Variants in PKD1L1 observed in about 807,000 individuals in gnomAD.
PKD1L1 encodes the protein polycystin 1 like 1, transient receptor potential channel interacting.
In PKD1L1, 236 loss-of-function variants were observed where a neutral mutation model predicts 323.4. The observed-to-expected ratio is 0.73, with a 90% CI of 0.66 to 0.81. PKD1L1 has a LOEUF of 0.81. Ranked by LOEUF, PKD1L1 falls within the 40% of genes least tolerant of loss-of-function variation. The pLI, the probability that PKD1L1 is intolerant of heterozygous loss-of-function variation, is 0.00. For synonymous variants in PKD1L1, 1,344 were observed against 1,335.0 expected (o/e 1.01, Z -0.15); for missense variants, 3,320 against 3,508.0 (o/e 0.95, Z 1.35).
chr7:47,806,103 T>A (rs1037599708), intron 52 of PKD1L1, among the ~76,000 whole-genome samples: 1 of 152,120 alleles, frequency 6.6e-6, no homozygotes, highest in Non-Finnish European at 1.5e-5. Context: ...AAGGATGAAC[T>A]CACTTCCCAA....
Position 47,904,634 on chromosome 7 carries a change from G to A in PKD1L1, c.1692-17C>T. On this transcript the variant is annotated splice_polypyrimidine_tract_variant and intron_variant, in intron 11 of 56. Transcript: ENST00000289672. ...ACACGATACCTGCAGGATGGGGAAA[G>A]GAGGGCAGGGAAGGCAGATGGCAAG... 6.2e-7 allele frequency: 1 copy of A among 1,600,668 alleles called. No individual in the cohort carries two copies. The highest frequency in any genetic ancestry group is 8.5e-7 in the Non-Finnish European group (1 of 1,170,716).
intron 28 of PKD1L1, among the ~76,000 whole-genome samples, chr7:47,856,237 C>T (rs1785902143): frequency 6.6e-6 from 1 of 152,204 alleles, no homozygotes; most frequent in South Asian, 2.1e-4. Flanking sequence ...GGGTGTTTCA[C>T]CATGTTGGTC....
intron 26 of PKD1L1, among the ~76,000 whole-genome samples, chr7:47,864,456 A>G (rs992835306): frequency 1.2e-4 from 18 of 152,156 alleles, no homozygotes; most frequent in African/African-American, 4.3e-4. Context: ...GCCATGTGTT[A>G]CCAATAAAGA....
In PKD1L1 at chr7:47,811,838, C is replaced by T. The variant is rs912186473; in HGVS notation, c.7560G>A (p.Gln2520=). Residue 2520 remains glutamine, a synonymous_variant, in exon 50 of 57, where the codon CAG becomes CAA. Transcript: ENST00000289672. ...TCACCTGGGGAAGCATGAGGTGGTA[C>T]TGCAGGGCTGAGTCGCTGCGGAAGA... ...FSIFRSDSAL[Q]YHLMLPQLVF... The T allele has an allele frequency of 1.9e-6, 3 of 1,606,816 alleles. No homozygotes were observed. The African/African-American group carries it at 4.0e-5, about 21-fold the overall frequency.
intron 33 of PKD1L1, among the ~76,000 whole-genome samples, chr7:47,844,143 C>T (rs533125463): frequency 2.0e-4 from 30 of 152,362 alleles, no homozygotes; most frequent in African/African-American, 7.2e-4. Context: ...ATCAATGCCG[C>T]AGACACCATG....
At chr7:47,806,843 T>C (rs1031526237) in intron 52 of PKD1L1, among the ~76,000 whole-genome samples, 1 of 151,934 alleles carries the variant, frequency 6.6e-6, no homozygotes, top group East Asian at 1.9e-4. Flanking sequence ...TCTGGTCATG[T>C]TCCTCCAAGA....
At chr7:47,875,409 G>A (rs914421319) in intron 23 of PKD1L1, among the ~76,000 whole-genome samples, 1 of 152,166 alleles carries the variant, frequency 6.6e-6, no homozygotes, top group African/African-American at 2.4e-5. Flanking sequence ...GAAACTTCTA[G>A]ATCAGTGACT....
chr7:47,908,108 A>G lies in PKD1L1; in HGVS notation c.1371T>C (p.Leu457=), dbSNP rs769197490. ...NSSSVHEDEV[L]VFADSQVNQK... ...GATTCACTTGGGAGTCAGCAAAGAC[A>G]AGCACTTCATCTTCATGGACACTGC... The change falls in exon 9 of 57, where the codon CTT becomes CTC. Residue 457 remains leucine, a synonymous_variant. Coordinates refer to ENST00000289672, the MANE Select transcript of PKD1L1 (RefSeq NM_138295.5). The G allele has an allele frequency of 3.0e-5, 48 of 1,614,006 alleles. No individual in the cohort carries two copies. Among genetic ancestry groups the G allele is most frequent in the Non-Finnish European group, 8.5e-6 (10 of 1,180,034 alleles).
At chr7:47,805,460 C>T (rs1784757339) in intron 52 of PKD1L1, among the ~76,000 whole-genome samples, 1 of 152,176 alleles carries the variant, frequency 6.6e-6, no homozygotes, top group African/African-American at 2.4e-5. Context: ...CAACAGGTGC[C>T]CACAGAAGTG....
chr7:47,789,456 T>C (rs1786888872), intron 56 of PKD1L1, among the ~76,000 whole-genome samples: 1 of 152,248 alleles, frequency 6.6e-6, no homozygotes, highest in Admixed American at 6.5e-5. Context: ...AATTTAATTG[T>C]TCGTAAAAAG....
chr7:47,814,801 C>A, intron 47 of PKD1L1, among the ~76,000 whole-genome samples: 1 of 152,294 alleles, frequency 6.6e-6, no homozygotes, highest in Non-Finnish European at 1.5e-5. Context: ...TGTGAGCCAC[C>A]GCGCCCAGGA....
chr7:47,787,601 ATAAATT>A (rs1786837874), intron 56 of PKD1L1, among the ~76,000 whole-genome samples: 1 of 152,238 alleles, frequency 6.6e-6, no homozygotes, highest in Non-Finnish European at 1.5e-5. Context: ...CAACCATATT[ATAAATT>A]TAAAGTTCTT....
At chr7:47,830,258 G>A in intron 42 of PKD1L1, 134 bp from the exon 43 acceptor site, 1 of 690,744 alleles carries the variant, frequency 1.4e-6, no homozygotes, top group Non-Finnish European at 2.5e-6. Flanking sequence ...TGCTGTGGGG[G>A]TGGTGCTGGA....
At chr7:47,942,836 C>T (rs1788015802) in intron 2 of PKD1L1, among the ~76,000 whole-genome samples, 3 of 151,998 alleles carry the variant, frequency 2.0e-5, no homozygotes. Context: ...GGGTGGGGCC[C>T]AGTGAAGGAG....
chr7:47,890,305 T>C (rs1168126323), intron 16 of PKD1L1, among the ~76,000 whole-genome samples: 1 of 152,222 alleles, frequency 6.6e-6, no homozygotes, highest in Non-Finnish European at 1.5e-5. Flanking sequence ...CCCCCGGCTG[T>C]GCCAGCTTTA....
intron 16 of PKD1L1, 90 bp downstream of exon 16, chr7:47,890,452 C>T: frequency 7.7e-7 from 1 of 1,306,700 alleles, no homozygotes; most frequent in Non-Finnish European, 1.1e-6. Flanking sequence ...AAACTGCTTG[C>T]TGTGCACAGC....
At chr7:47,939,406 C>T (rs1787937096) in intron 3 of PKD1L1, among the ~76,000 whole-genome samples, 1 of 152,182 alleles carries the variant, frequency 6.6e-6, no homozygotes, top group Non-Finnish European at 1.5e-5. Context: ...TAAATTTGAA[C>T]TAGAAACGCA....
intron 8 of PKD1L1, among the ~76,000 whole-genome samples, chr7:47,913,307 A>G (rs1234262531): frequency 6.6e-6 from 1 of 152,234 alleles, no homozygotes; most frequent in East Asian, 1.9e-4. Flanking sequence ...GCCAAAAAAA[A>G]GCTGAGTGAG....
intron 52 of PKD1L1, among the ~76,000 whole-genome samples, chr7:47,806,039 C>T (rs545606668): frequency 2.0e-5 from 3 of 152,244 alleles, no homozygotes; most frequent in African/African-American, 7.2e-5. Flanking sequence ...GTTTTTCTGG[C>T]AGGGGCAGGG....
Sources: gnomAD v4.1 joint callset for allele counts (sites outside exome capture counted in the v4.1 genomes callset) on GRCh38, gnomAD v4.1.1 for gene constraint, MANE v1.5 for transcripts, NCBI Gene and HGNC (gene_info 2026-07-23, HGNC 2026-07-21) for gene names.